DEPTOR: variants seen among roughly 807,000 people sequenced by gnomAD.
The protein encoded by DEPTOR is DEP domain-containing mTOR-interacting protein.
In DEPTOR, 41 loss-of-function variants were observed where a neutral mutation model predicts 41.6. The observed-to-expected ratio is 0.98, with a 90% confidence interval of 0.77 to 1.28. The LOEUF is 1.28. Ranked by LOEUF, DEPTOR falls within the 50% of genes most tolerant of loss-of-function variation. DEPTOR has a pLI of 0.00. For synonymous variants in DEPTOR, 195 were observed against 192.3 expected (o/e 1.01, Z -0.12); for missense variants, 514 against 527.9 (o/e 0.97, Z 0.26).
At chr8:120,027,991 C>G (rs757639471) in intron 8 of DEPTOR, among the ~76,000 whole-genome samples, 1 of 152,114 alleles carries the variant, frequency 6.6e-6, no homozygotes, top group African/African-American at 2.4e-5. Flanking sequence ...TTAGAGACAG[C>G]CTACTGGCTC....
chr8:120,049,817 C>G lies in DEPTOR; in HGVS notation c.*113C>G, dbSNP rs1813209100. 3.7e-6 allele frequency: 5 copies of G among 1,341,808 alleles called. No individual in the cohort carries two copies. The Admixed American group carries it at 6.8e-5, about 18-fold the overall frequency. 83.1% of individuals were successfully genotyped at this position (1,341,808 alleles called of 1,614,324 possible). A position where few individuals can be genotyped will look rare whatever the true frequency, so the allele number is the denominator to read the frequency against. On this transcript the variant is annotated 3_prime_UTR_variant, in exon 9 of 9. Coordinates refer to ENST00000286234, the MANE Select transcript of DEPTOR (RefSeq NM_022783.4). ...AATGGATGGTTTTGGACATACGAGT[C>G]TTCTCCGCACATACATGTCTAAAGT...
intron 2 of DEPTOR, among the ~76,000 whole-genome samples, 169 bp downstream of exon 2, chr8:119,928,747 T>C (rs1481213332): frequency 2.5e-5 from 3 of 120,852 alleles, no homozygotes; most frequent in Admixed American, 7.6e-5. Context: ...TTCTTTCTTT[T>C]TTTTTTTTTT....
At chr8:119,993,223 G>A (rs959870286) in intron 4 of DEPTOR, among the ~76,000 whole-genome samples, 5 of 152,146 alleles carry the variant, frequency 3.3e-5, no homozygotes. Flanking sequence ...CATGATTTCT[G>A]CAGTTAAACC....
In DEPTOR at chr8:120,034,264, T is replaced by TACACACACACACAC. The variant is rs71571645; in HGVS notation, c.1102-15290_1102-15277dup. On this transcript the variant is annotated intron_variant, in intron 8 of 8. Coordinates refer to ENST00000286234, the MANE Select transcript of DEPTOR (RefSeq NM_022783.4). Reference sequence around the variant, plus strand: ...TAACTGTGTGTCTCTGCAAAGCATGTACACACACACACACACACACACACA... The same window carrying TACACACACACACAC: ...TAACTGTGTGTCTCTGCAAAGCATGTACACACACACACACACACACACACACACACACACACACA... Among the ~76,000 whole-genome samples the TACACACACACACAC allele has an allele frequency of 6.3e-3, 911 of 145,342 alleles. 5 individuals are homozygous for TACACACACACACAC. The highest frequency in any genetic ancestry group is 9.6e-3 in the African/African-American group (376 of 39,116).
In DEPTOR at chr8:119,926,428, T is replaced by C. The variant is rs1327110831; in HGVS notation, c.123-1972T>C. Reference sequence around the variant, plus strand: ...CTAATGTACTAACCTTCAAGGTTAATAAAATATATCCCCCATAAGGTTGTC... The same window carrying C: ...CTAATGTACTAACCTTCAAGGTTAACAAAATATATCCCCCATAAGGTTGTC... On this transcript the variant is annotated intron_variant, in intron 1 of 8. Coordinates refer to ENST00000286234, the MANE Select transcript of DEPTOR (RefSeq NM_022783.4). Among the ~76,000 whole-genome samples, 3 of 152,224 alleles carry C rather than the reference T, an allele frequency of 2.0e-5. No individual in the cohort carries two copies. The East Asian group carries it at 5.8e-4, about 29-fold the overall frequency.
chr8:119,995,220 A>G (rs1812240822), intron 4 of DEPTOR, among the ~76,000 whole-genome samples: 1 of 152,210 alleles, frequency 6.6e-6, no homozygotes, highest in Non-Finnish European at 1.5e-5. Context: ...CTCAGATAGT[A>G]AATGTGGCAG....
chr8:119,988,729 C>T (rs185228245), intron 4 of DEPTOR, among the ~76,000 whole-genome samples: 79 of 152,174 alleles, frequency 5.2e-4, no homozygotes, highest in African/African-American at 1.6e-3. Flanking sequence ...GCGAACTGCC[C>T]GCCTCGGGTC....
intron 1 of DEPTOR, among the ~76,000 whole-genome samples, chr8:119,918,607 C>A (rs973639186): frequency 6.6e-6 from 1 of 152,032 alleles, no homozygotes; most frequent in Non-Finnish European, 1.5e-5. Flanking sequence ...ACTACAGGCA[C>A]GTGCCACCAT....
chr8:120,003,348 G>A (rs888582840), intron 6 of DEPTOR, among the ~76,000 whole-genome samples: 1 of 152,150 alleles, frequency 6.6e-6, no homozygotes, highest in African/African-American at 2.4e-5. Context: ...CTGGAGCTGG[G>A]ATGGCCCTTC....
At chr8:119,963,070 A>T (rs2129961640) in intron 3 of DEPTOR, among the ~76,000 whole-genome samples, 1 of 152,296 alleles carries the variant, frequency 6.6e-6, no homozygotes, top group South Asian at 2.1e-4. Context: ...TTGGGAGTAT[A>T]GGCCTGGTCT....
At chr8:119,930,453 T>G (rs1828027220) in intron 3 of DEPTOR, among the ~76,000 whole-genome samples, 1 of 152,148 alleles carries the variant, frequency 6.6e-6, no homozygotes, top group South Asian at 2.1e-4. Flanking sequence ...GCCAGGCTTT[T>G]CTCAAACTCC....
At chr8:119,964,028 T>C (rs1374261773) in intron 3 of DEPTOR, among the ~76,000 whole-genome samples, 2 of 152,132 alleles carry the variant, frequency 1.3e-5, no homozygotes, top group African/African-American at 4.8e-5. Context: ...GCTTCTTGGT[T>C]TGCAGATGGC....
chr8:119,922,606 A>G (rs1005661455), intron 1 of DEPTOR, among the ~76,000 whole-genome samples: 6 of 152,164 alleles, frequency 3.9e-5, no homozygotes, highest in African/African-American at 1.4e-4. Context: ...ACAACTCTAC[A>G]TAGGTATCAT....
At chr8:120,046,441 T>C (rs1011902432) in intron 8 of DEPTOR, among the ~76,000 whole-genome samples, 5 of 151,766 alleles carry the variant, frequency 3.3e-5, no homozygotes, top group Admixed American at 6.6e-5. Flanking sequence ...TTCATATAAA[T>C]GGGCTCTTAC....
At chr8:119,905,219 A>G (rs1249041906) in intron 1 of DEPTOR, among the ~76,000 whole-genome samples, 1 of 152,150 alleles carries the variant, frequency 6.6e-6, no homozygotes, top group Non-Finnish European at 1.5e-5. Context: ...AGCTCACAGC[A>G]TGAGATTCCA....
chr8:119,882,071 A>C (rs1037014364), intron 1 of DEPTOR, among the ~76,000 whole-genome samples: 1 of 151,994 alleles, frequency 6.6e-6, no homozygotes, highest in Non-Finnish European at 1.5e-5. Context: ...TTTAATTTTT[A>C]GTAGAGATGA....
chr8:119,938,712 G>A (rs1002139774), intron 3 of DEPTOR, among the ~76,000 whole-genome samples: 1 of 151,956 alleles, frequency 6.6e-6, no homozygotes, highest in African/African-American at 2.4e-5. Context: ...GTTTTGCCAG[G>A]TTGGCCAGGT....
intron 4 of DEPTOR, among the ~76,000 whole-genome samples, chr8:119,967,920 G>T (rs1828584097): frequency 6.6e-6 from 1 of 152,120 alleles, no homozygotes; most frequent in Non-Finnish European, 1.5e-5. Context: ...TGGATCTAGA[G>T]GCATTGCTTG....
At chr8:119,967,789 C>T (rs1406062476) in intron 4 of DEPTOR, among the ~76,000 whole-genome samples, 1 of 149,810 alleles carries the variant, frequency 6.7e-6, no homozygotes, top group African/African-American at 2.5e-5. Flanking sequence ...TATTGTTTTA[C>T]AGTACTTTTA....
Sources: allele counts gnomAD v4.1 joint callset (sites outside exome capture counted in the v4.1 genomes callset), GRCh38; gene constraint gnomAD v4.1.1; transcripts MANE v1.5; gene names NCBI Gene and HGNC (gene_info 2026-07-23, HGNC 2026-07-21).